RNF2: variants seen among roughly 807,000 people sequenced by gnomAD.
The protein encoded by RNF2 is ring finger protein 2, also known as E3 ubiquitin-protein ligase RING2.
Under a neutral mutation model 37.2 loss-of-function variants are expected in RNF2, and 6 were observed. The observed-to-expected ratio is 0.16, with a 90% CI of 0.09 to 0.32. The LOEUF is 0.32. Ranked by LOEUF, RNF2 falls within the 10% of genes least tolerant of loss-of-function variation. The probability of loss-of-function intolerance (pLI) is 1.00; values close to 1 mark genes in which losing one functional copy is unlikely to be tolerated. For synonymous variants in RNF2, 133 were observed against 132.7 expected (o/e 1.00, Z -0.02); for missense variants, 251 against 404.0 (o/e 0.62, Z 3.25).
rs1652063737 is a variant in RNF2, at chr1:185,101,064, G to C, written c.*763G>C. Reference sequence around the variant, plus strand: ...AAATATAGTCTTCAAGTATACGTTTGAGAGTGCTTTTTTTTGTATTAGTTC... The same window carrying C: ...AAATATAGTCTTCAAGTATACGTTTCAGAGTGCTTTTTTTTGTATTAGTTC... On this transcript the variant is annotated 3_prime_UTR_variant, in exon 7 of 7. Transcript: ENST00000367510. 1 of 152,482 alleles carries C rather than the reference G, an allele frequency of 6.6e-6. No homozygotes were observed. Among genetic ancestry groups the C allele is most frequent in the Non-Finnish European group, 1.5e-5 (1 of 67,956 alleles). 9.4% of individuals were successfully genotyped at this position (152,482 alleles called of 1,614,324 possible). A position where few individuals can be genotyped will look rare whatever the true frequency, so the allele number is the denominator to read the frequency against.
At chr1:185,063,462 T>G (rs1650671364) in intron 1 of RNF2, among the ~76,000 whole-genome samples, 1 of 152,226 alleles carries the variant, frequency 6.6e-6, no homozygotes, top group Non-Finnish European at 1.5e-5. Context: ...GCATTTAGTT[T>G]TCTTTTGGCA....
chr1:185,085,338 C>T (rs762435475), intron 1 of RNF2, among the ~76,000 whole-genome samples: 4 of 151,556 alleles, frequency 2.6e-5, no homozygotes, highest in Non-Finnish European at 4.4e-5. Context: ...TTAGTAGAGA[C>T]GGGGTTTCAC....
At chr1:185,065,771 G>T (rs1488841142) in intron 1 of RNF2, among the ~76,000 whole-genome samples, 1 of 152,204 alleles carries the variant, frequency 6.6e-6, no homozygotes, top group African/African-American at 2.4e-5. Flanking sequence ...GCGAGAGCAA[G>T]AAACCACTGG....
intron 1 of RNF2, among the ~76,000 whole-genome samples, chr1:185,081,419 G>A (rs1651346053): frequency 6.6e-6 from 1 of 150,546 alleles, no homozygotes. Flanking sequence ...TTGAGGTGGA[G>A]TTTCGCTCTT....
intron 1 of RNF2, among the ~76,000 whole-genome samples, chr1:185,053,058 A>G (rs1213269565): frequency 1.3e-5 from 2 of 152,234 alleles, no homozygotes; most frequent in African/African-American, 2.4e-5. Flanking sequence ...GAGGTCTCCA[A>G]GACACAGGAA....
chr1:185,098,581 A>G (rs1651981381), intron 5 of RNF2, among the ~76,000 whole-genome samples: 2 of 152,168 alleles, frequency 1.3e-5, no homozygotes, highest in African/African-American at 2.4e-5. Flanking sequence ...GGCCTATTCA[A>G]ATTTCTCAGC....
At chr1:185,053,967 A>G (rs1650350711) in intron 1 of RNF2, among the ~76,000 whole-genome samples, 1 of 152,138 alleles carries the variant, frequency 6.6e-6, no homozygotes, top group Non-Finnish European at 1.5e-5. Flanking sequence ...AGCAGCGTTC[A>G]CTTAACCAGT....
At chr1:185,085,850 C>CCTGG (rs1236377054) in intron 1 of RNF2, among the ~76,000 whole-genome samples, 1 of 152,048 alleles carries the variant, frequency 6.6e-6, no homozygotes, top group Non-Finnish European at 1.5e-5. Flanking sequence ...GACGGTTTCA[C>CCTGG]CATGTTGGCC....
intron 2 of RNF2, among the ~76,000 whole-genome samples, chr1:185,091,108 C>T (rs966863693): frequency 6.6e-6 from 1 of 152,088 alleles, no homozygotes; most frequent in African/African-American, 2.4e-5. Flanking sequence ...TTTTAATGGG[C>T]AGCATGAAAC....
intron 1 of RNF2, among the ~76,000 whole-genome samples, chr1:185,051,863 C>CAT (rs200062271): frequency 6.8e-6 from 1 of 147,518 alleles, no homozygotes; most frequent in Non-Finnish European, 1.5e-5. Flanking sequence ...TATATACATG[C>CAT]ATATATATAT....
intron 4 of RNF2, 130 bp from the exon 5 acceptor site, chr1:185,097,942 T>A (rs1474594216): frequency 5.4e-6 from 5 of 931,078 alleles, no homozygotes; most frequent in Non-Finnish European, 7.9e-6. Flanking sequence ...AACAATATCA[T>A]CCAACTCAGA....
intron 1 of RNF2, among the ~76,000 whole-genome samples, chr1:185,053,748 G>A (rs1650343473): frequency 6.6e-6 from 1 of 152,124 alleles, no homozygotes; most frequent in African/African-American, 2.4e-5. Context: ...ACAATGTGTG[G>A]TACGTAATAG....
intron 2 of RNF2, among the ~76,000 whole-genome samples, chr1:185,087,915 A>G (rs1027988130): frequency 6.6e-6 from 1 of 152,228 alleles, no homozygotes; most frequent in Non-Finnish European, 1.5e-5. Flanking sequence ...GTACATATCT[A>G]TAAAATTCAC....
At chr1:185,053,240 T>G (rs1373449924) in intron 1 of RNF2, among the ~76,000 whole-genome samples, 1 of 152,176 alleles carries the variant, frequency 6.6e-6, no homozygotes, top group African/African-American at 2.4e-5. Context: ...CTCCCCACAT[T>G]CCATGCCTTC....
chr1:185,050,053 A>G (rs983537611), intron 1 of RNF2, among the ~76,000 whole-genome samples: 12 of 152,234 alleles, frequency 7.9e-5, no homozygotes, highest in African/African-American at 2.2e-4. Flanking sequence ...CTGGGAGGGT[A>G]GTTTTGGAGT....
At chr1:185,074,982 CGT>C (rs368232686) in intron 1 of RNF2, among the ~76,000 whole-genome samples, 361 of 151,216 alleles carry the variant, frequency 2.4e-3, no homozygotes, top group African/African-American at 8.1e-3. Flanking sequence ...TATATAGTTC[CGT>C]GTGTGTGTGT....
intron 1 of RNF2, among the ~76,000 whole-genome samples, chr1:185,064,941 A>G (rs1377892425): frequency 6.6e-6 from 1 of 151,942 alleles, no homozygotes; most frequent in South Asian, 2.1e-4. Context: ...TGCTGAATTC[A>G]TTTATTCAGC....
rs765301806 is a variant in RNF2 at position 185,083,910 on chromosome 1, C to CTT, written c.-2-3627_-2-3626dup. 5.2e-3 allele frequency among the ~76,000 whole-genome samples: 629 copies of CTT among 121,372 alleles called. 23 individuals carry two copies. The East Asian group carries it at 0.074, about 14-fold the overall frequency. 79.6% of individuals were successfully genotyped at this position (121,372 alleles called of 152,430 possible). ...GTGTGAGCCACTGTGCCTGGCCTAC[C>CTT]TTTTTTTTTTTTTTTTAAGTCTTTT... On this transcript the variant is annotated intron_variant, in intron 1 of 6. Transcript: ENST00000367510.
intron 1 of RNF2, among the ~76,000 whole-genome samples, chr1:185,062,716 C>G (rs781404684): frequency 6.6e-6 from 1 of 151,310 alleles, no homozygotes; most frequent in Non-Finnish European, 1.5e-5. Context: ...ACACTCATGA[C>G]AGACAAAAGG....
Sources: gnomAD v4.1 joint callset for allele counts (sites outside exome capture counted in the v4.1 genomes callset) on GRCh38, gnomAD v4.1.1 for gene constraint, MANE v1.5 for transcripts, NCBI Gene and HGNC (gene_info 2026-07-23, HGNC 2026-07-21) for gene names.